The following OPCML variants were observed in gnomAD, a reference collection of about 807,000 sequenced individuals.
OPCML encodes opioid binding protein/cell adhesion molecule like, also known as opioid-binding protein/cell adhesion molecule.
In OPCML, 13 loss-of-function variants were observed where a neutral mutation model predicts 37.8. The observed-to-expected ratio is 0.34, with a 90% CI of 0.22 to 0.55. OPCML has a LOEUF of 0.55. Among genes scored for constraint, OPCML ranks in the 20% least tolerant of loss-of-function variants. The pLI is 0.91. For synonymous variants in OPCML, 176 were observed against 168.8 expected, an observed-to-expected ratio of 1.04 and a Z score of -0.33; for missense variants, 341 against 435.6, an observed-to-expected ratio of 0.78 and a Z score of 1.93.
At chr11:132,835,814 G>A (rs1295697314) in intron 2 of OPCML, among the ~76,000 whole-genome samples, 1 of 152,066 alleles carries the variant, frequency 6.6e-6, no homozygotes, top group African/African-American at 2.4e-5. Context: ...CTCTTTGATG[G>A]TGACACCACT....
At chr11:132,859,833 C>T (rs887247098) in intron 2 of OPCML, among the ~76,000 whole-genome samples, 1 of 152,144 alleles carries the variant, frequency 6.6e-6, no homozygotes, top group African/African-American at 2.4e-5. Context: ...TGTAAACACG[C>T]CTATTCATTT....
intron 1 of OPCML, among the ~76,000 whole-genome samples, chr11:133,051,082 C>CACAT (rs910473987): frequency 2.0e-5 from 3 of 151,672 alleles, no homozygotes; most frequent in African/African-American, 7.3e-5. Context: ...CACACACACA[C>CACAT]ACACCTCTCA....
At chr11:132,986,173 T>C (rs1946679042) in intron 1 of OPCML, among the ~76,000 whole-genome samples, 1 of 152,188 alleles carries the variant, frequency 6.6e-6, no homozygotes, top group East Asian at 1.9e-4. Context: ...AGTCTTCCCA[T>C]AGCTTTCCTT....
At chr11:132,862,432 G>C (rs1447065977) in intron 2 of OPCML, among the ~76,000 whole-genome samples, 1 of 150,024 alleles carries the variant, frequency 6.7e-6, no homozygotes, top group Admixed American at 6.6e-5. Flanking sequence ...ACACAGGTTA[G>C]AGCTGGACAG....
chr11:132,587,531 T>C (rs1180722631), intron 3 of OPCML, among the ~76,000 whole-genome samples: 3 of 152,174 alleles, frequency 2.0e-5, no homozygotes, highest in African/African-American at 7.2e-5. Flanking sequence ...CCCACACCAG[T>C]GATGCTGAGG....
intron 4 of OPCML, among the ~76,000 whole-genome samples, chr11:132,465,403 T>C (rs1173909161): frequency 2.6e-5 from 4 of 152,210 alleles, no homozygotes; most frequent in Non-Finnish European, 5.9e-5. Flanking sequence ...TTTCATTCTG[T>C]AAAATATCTC....
At chr11:133,234,685 T>C (rs935991) in intron 1 of OPCML, among the ~76,000 whole-genome samples, 148,339 of 152,348 alleles carry the variant, frequency 0.97, 72,254 homozygotes, top group East Asian at 1. Flanking sequence ...TGAATCACTC[T>C]TCAGCCTTCT....
intron 2 of OPCML, among the ~76,000 whole-genome samples, chr11:132,715,563 G>A (rs923836698): frequency 9.2e-5 from 14 of 152,136 alleles, no homozygotes; most frequent in African/African-American, 3.1e-4. Flanking sequence ...GCATGGGGGT[G>A]GGGTCCTCAT....
At chr11:133,291,228 G>A (rs1942463329) in intron 1 of OPCML, among the ~76,000 whole-genome samples, 1 of 152,172 alleles carries the variant, frequency 6.6e-6, no homozygotes, top group African/African-American at 2.4e-5. Context: ...ATGTTCCTTT[G>A]CTTTTGTTTG....
chr11:132,903,283 C>T (rs1324668754), intron 2 of OPCML, among the ~76,000 whole-genome samples: 1 of 152,186 alleles, frequency 6.6e-6, no homozygotes, highest in African/African-American at 2.4e-5. Flanking sequence ...CCATATGTGA[C>T]CAAGGACAGG....
rs1319153809 is a variant in OPCML, at chr11:133,140,787, C to A, written c.62-197777G>T. On this transcript the variant is annotated intron_variant, in intron 1 of 7. Transcript: ENST00000524381. The stretch of plus-strand genomic sequence containing the variant: ...ACGAAGAAGAAGAAGAAGAAGACGA[C>A]GAAGAAGAAGAAGAAGAAGACGACG... Among the ~76,000 whole-genome samples the A allele has an allele frequency of 2.3e-3, 276 of 118,900 alleles. 44 individuals carry two copies. Among genetic ancestry groups the A allele is most frequent in the African/African-American group, 9.7e-3 (255 of 26,228 alleles). 78.0% of individuals were successfully genotyped at this position (118,900 alleles called of 152,430 possible).
intron 1 of OPCML, among the ~76,000 whole-genome samples, chr11:133,307,936 C>CA (rs1555136541): frequency 1.3e-5 from 2 of 150,556 alleles, no homozygotes; most frequent in African/African-American, 4.9e-5. Context: ...AGTTGTATAC[C>CA]TTTTTTTTTA....
intron 3 of OPCML, among the ~76,000 whole-genome samples, chr11:132,581,953 T>C (rs1313833748): frequency 6.6e-6 from 1 of 151,884 alleles, no homozygotes; most frequent in Non-Finnish European, 1.5e-5. Context: ...ATGGGTAGAG[T>C]TGTAAACAGT....
At chr11:132,635,865 G>T (rs1003648751) in intron 3 of OPCML, among the ~76,000 whole-genome samples, 7 of 152,040 alleles carry the variant, frequency 4.6e-5, no homozygotes, top group African/African-American at 1.2e-4. Context: ...AGAACCAAGC[G>T]GCAGGAGGTT....
intron 1 of OPCML, among the ~76,000 whole-genome samples, chr11:133,056,220 G>A (rs1483022444): frequency 1.3e-5 from 2 of 152,302 alleles, no homozygotes; most frequent in East Asian, 1.9e-4. Flanking sequence ...AAAGTCATCC[G>A]TGGTCATTCC....
chr11:132,650,593 T>TACACACACAAAAAAAACACACAC (rs1565745395), intron 3 of OPCML, among the ~76,000 whole-genome samples: 2 of 151,388 alleles, frequency 1.3e-5, no homozygotes. Context: ...CACACACACA[T>TACACACACAAAAAAAACACACAC]ACACACACAA....
intron 4 of OPCML, among the ~76,000 whole-genome samples, chr11:132,471,407 G>T (rs2096137643): frequency 6.6e-6 from 1 of 152,186 alleles, no homozygotes; most frequent in African/African-American, 2.4e-5. Context: ...ATCATTTGTT[G>T]TCTCTCATGG....
intron 1 of OPCML, among the ~76,000 whole-genome samples, chr11:133,273,797 AT>A: frequency 1.3e-5 from 2 of 152,204 alleles, no homozygotes; most frequent in African/African-American, 4.8e-5. Flanking sequence ...GAATTGTCGC[AT>A]TGCAAGCCAA....
At chr11:133,087,296 G>C (rs1948831601) in intron 1 of OPCML, among the ~76,000 whole-genome samples, 1 of 152,130 alleles carries the variant, frequency 6.6e-6, no homozygotes. Context: ...ATAATTTTAA[G>C]TATTATTTTA....
Sources: allele counts gnomAD v4.1 joint callset (sites outside exome capture counted in the v4.1 genomes callset), GRCh38; gene constraint gnomAD v4.1.1; transcripts MANE v1.5; gene names NCBI Gene and HGNC (gene_info 2026-07-23, HGNC 2026-07-21).